COLEC12: variants seen among roughly 807,000 people sequenced by gnomAD.
The protein encoded by COLEC12 is collectin-12.
A neutral mutation model predicts 71.1 loss-of-function variants in COLEC12; 33 were observed. The observed-to-expected ratio is 0.46, with a 90% CI of 0.35 to 0.62. The LOEUF is 0.62. Among genes scored for constraint, COLEC12 ranks in the 20% least tolerant of loss-of-function variants. The probability of loss-of-function intolerance (pLI) is 0.00; values close to 1 mark genes in which losing one functional copy is unlikely to be tolerated. For synonymous variants in COLEC12, 350 were observed against 353.0 expected, an observed-to-expected ratio of 0.99 and a Z score of 0.10; for missense variants, 765 against 916.1, an observed-to-expected ratio of 0.84 and a Z score of 2.13.
intron 3 of COLEC12, among the ~76,000 whole-genome samples, chr18:351,292 C>A (rs1231425980): frequency 1.3e-5 from 2 of 151,906 alleles, no homozygotes; most frequent in Non-Finnish European, 2.9e-5. Context: ...AATGTTCTTC[C>A]CTGTTTTTTT....
At chr18:349,464 A>C (rs2143480771) in intron 3 of COLEC12, among the ~76,000 whole-genome samples, 1 of 152,356 alleles carries the variant, frequency 6.6e-6, no homozygotes, top group Admixed American at 6.5e-5. Flanking sequence ...GATGTGCATG[A>C]AGAACCTCTG....
At chr18:477,481 A>G (rs906595766) in intron 2 of COLEC12, among the ~76,000 whole-genome samples, 1 of 152,128 alleles carries the variant, frequency 6.6e-6, no homozygotes, top group Non-Finnish European at 1.5e-5. Context: ...CACCCAGTCT[A>G]TTTTTGCAAC....
rs576254462 is a variant in COLEC12, at chr18:379,804, T to A, written c.59-22282A>T. On this transcript the variant is annotated intron_variant, in intron 2 of 9. Coordinates refer to ENST00000400256, the MANE Select transcript of COLEC12 (RefSeq NM_130386.3). ...AAAGGTCAGATGAATAAGGGAGGAG[T>A]TCATTCATCAACCCGACATGTGAGC... Among the ~76,000 whole-genome samples the A allele has an allele frequency of 2.6e-5, 4 of 151,750 alleles. No individual in the cohort carries two copies. In the South Asian group the frequency reaches 8.3e-4, roughly 32 times the overall value.
chr18:371,942 G>A (rs951164305), intron 2 of COLEC12, among the ~76,000 whole-genome samples: 4 of 152,164 alleles, frequency 2.6e-5, no homozygotes, highest in Non-Finnish European at 4.4e-5. Flanking sequence ...GGGCAGAATC[G>A]ATCAAGTACG....
intron 2 of COLEC12, among the ~76,000 whole-genome samples, chr18:472,056 G>A (rs370783247): frequency 5.9e-5 from 9 of 152,140 alleles, no homozygotes; most frequent in African/African-American, 1.7e-4. Flanking sequence ...GATTATGTAC[G>A]TATTCTAGGT....
chr18:329,145 G>A (rs530546564), intron 8 of COLEC12, among the ~76,000 whole-genome samples: 2 of 152,102 alleles, frequency 1.3e-5, no homozygotes, highest in African/African-American at 4.8e-5. Context: ...AAGCGGGTGC[G>A]CTCCATCCAG....
intron 2 of COLEC12, among the ~76,000 whole-genome samples, chr18:472,452 G>A (rs942634492): frequency 6.6e-6 from 1 of 152,050 alleles, no homozygotes; most frequent in South Asian, 2.1e-4. Flanking sequence ...CTGGGGCCAC[G>A]ATGGTCATTT....
At chr18:407,958 T>C (rs4798145) in intron 2 of COLEC12, among the ~76,000 whole-genome samples, 73,557 of 152,100 alleles carry the variant, frequency 0.48, 18,166 homozygotes, top group South Asian at 0.7. Context: ...CCAGGTGATC[T>C]GGATATATAG....
At chr18:360,881 C>G (rs1298176433) in intron 2 of COLEC12, among the ~76,000 whole-genome samples, 1 of 152,080 alleles carries the variant, frequency 6.6e-6, no homozygotes, top group Non-Finnish European at 1.5e-5. Flanking sequence ...TCCTTTCTGT[C>G]TTACTTCCTT....
intron 8 of COLEC12, among the ~76,000 whole-genome samples, chr18:331,090 T>C (rs1035701699): frequency 1.3e-5 from 2 of 152,090 alleles, no homozygotes; most frequent in Admixed American, 1.3e-4. Context: ...GGTTTCACCA[T>C]GTTGGCCAGG....
At chr18:449,405 T>C (rs1916714549) in intron 2 of COLEC12, among the ~76,000 whole-genome samples, 1 of 152,164 alleles carries the variant, frequency 6.6e-6, no homozygotes. Flanking sequence ...TACACTCTAG[T>C]TGGCATCAAA....
intron 2 of COLEC12, chr18:423,641 T>C (rs1193968236): frequency 6.6e-6 from 1 of 152,194 alleles, no homozygotes; most frequent in African/African-American, 2.4e-5. Flanking sequence ...GTAAATGAGA[T>C]TTTAAGGGAA....
chr18:488,926 T>C (rs1006171952), intron 1 of COLEC12, among the ~76,000 whole-genome samples: 1 of 151,218 alleles, frequency 6.6e-6, no homozygotes, highest in Non-Finnish European at 1.5e-5. Flanking sequence ...CCAATGTTCA[T>C]ATAACAGGTG....
chr18:448,290 G>A (rs4797161), intron 2 of COLEC12, among the ~76,000 whole-genome samples: 33,992 of 152,074 alleles, frequency 0.22, 3,826 homozygotes, highest in East Asian at 0.28. Flanking sequence ...TCTGGCAAAC[G>A]AGCGTTCGCT....
At chr18:439,566 T>A (rs1916473610) in intron 2 of COLEC12, among the ~76,000 whole-genome samples, 1 of 151,896 alleles carries the variant, frequency 6.6e-6, no homozygotes, top group Non-Finnish European at 1.5e-5. Flanking sequence ...TTTAAAATTT[T>A]AAAAATAAGG....
At position 480,825 on chromosome 18, in the gene COLEC12, T is replaced by A. The variant is rs977034395; in HGVS notation, c.8-68A>T. The A allele has an allele frequency of 1.5e-6, 2 of 1,308,082 alleles. No homozygotes were observed. Among genetic ancestry groups the A allele is most frequent in the African/African-American group, 1.4e-5 (1 of 69,016 alleles). 81.0% of individuals were successfully genotyped at this position (1,308,082 alleles called of 1,614,324 possible). On this transcript the variant is annotated intron_variant, in intron 1 of 9. Coordinates refer to ENST00000400256, the MANE Select transcript of COLEC12 (RefSeq NM_130386.3). This position sits in a 1 kb window ranked among gnomAD's most constrained non-coding sequence, Gnocchi z 4.1. ...CACAGAAGCAGAGGGTGGGGCAGGA[T>A]GCGACCTGCTTCATCGCCCCTGCTT...
intron 2 of COLEC12, among the ~76,000 whole-genome samples, chr18:415,850 G>T (rs1915976354): frequency 6.6e-6 from 1 of 152,212 alleles, no homozygotes; most frequent in Non-Finnish European, 1.5e-5. Context: ...TAACACTGAG[G>T]TTTATTCAGT....
In COLEC12 at chr18:480,399, C is replaced by T. The variant is rs568065486; in HGVS notation, c.58+308G>A. On this transcript the variant is annotated intron_variant, in intron 2 of 9. Coordinates refer to ENST00000400256, the MANE Select transcript of COLEC12 (RefSeq NM_130386.3). This position sits in a 1 kb window ranked among gnomAD's most constrained non-coding sequence, Gnocchi z 4.1. The stretch of plus-strand genomic sequence containing the variant: ...AAAATTTCAGGTATTTTGCTGTTGT[C>T]TTGTCACAGATTTGCCTTTCCCGCT... Among the ~76,000 whole-genome samples, 176 of 152,302 alleles carry T rather than the reference C, an allele frequency of 1.2e-3. 3 individuals are homozygous for T. In the South Asian group the frequency reaches 0.033, roughly 28 times the overall value.
chr18:322,952 T>C (rs1913746643), intron 8 of COLEC12, among the ~76,000 whole-genome samples: 1 of 152,138 alleles, frequency 6.6e-6, no homozygotes, highest in Non-Finnish European at 1.5e-5. Context: ...AGGCCGGGCG[T>C]AGTGGCTCAT....
Sources: gnomAD v4.1 joint callset for allele counts (sites outside exome capture counted in the v4.1 genomes callset) on GRCh38, gnomAD v4.1.1 for gene constraint, Gnocchi (gnomAD v3.1) non-coding constraint, MANE v1.5 for transcripts, NCBI Gene and HGNC (gene_info 2026-07-23, HGNC 2026-07-21) for gene names.